The following DAB1 variants were observed in gnomAD, a reference collection of about 807,000 sequenced individuals.
The protein encoded by DAB1 is disabled homolog 1.
Under a neutral mutation model 64.6 loss-of-function variants are expected in DAB1, and 15 were observed. The ratio of observed to expected loss-of-function variants is 0.23; its 90% CI spans 0.16 to 0.36. The LOEUF is 0.36. Among genes scored for constraint, DAB1 ranks in the 10% least tolerant of loss-of-function variants. The pLI is 1.00. For missense variants in DAB1, 596 were observed against 706.7 expected (o/e 0.84, Z 1.78); for synonymous variants, 235 against 251.9 (o/e 0.93, Z 0.64).
intron 6 of DAB1, among the ~76,000 whole-genome samples, chr1:57,730,552 T>C (rs909864578): frequency 6.6e-6 from 1 of 152,220 alleles, no homozygotes; most frequent in African/African-American, 2.4e-5. Flanking sequence ...TTTGGAAGGA[T>C]ACGTAGTCAT....
upstream of DAB1, among the ~76,000 whole-genome samples, chr1:57,884,851 G>C (rs529943137): frequency 2.1e-3 from 313 of 152,224 alleles, 1 homozygote; most frequent in Non-Finnish European, 3.8e-3. Flanking sequence ...GTTCCTATGA[G>C]AGCTGGTTGT....
At chr1:58,085,408 C>T (rs1650241408) in intron 5 of DAB1, among the ~76,000 whole-genome samples, 1 of 152,150 alleles carries the variant, frequency 6.6e-6, no homozygotes, top group African/African-American at 2.4e-5. Context: ...TCCTCTGTCA[C>T]TCAGGCTGGA....
In DAB1 at chr1:57,590,212, C is replaced by T. The variant is rs115937827; in HGVS notation, n.625+59380G>A. Reference sequence around the variant, plus strand: ...GTGGTCTTTCTTCTATGCACACCCACGCCTGGTGTCTGTTCCATTTCTTAT... The same window carrying T: ...GTGGTCTTTCTTCTATGCACACCCATGCCTGGTGTCTGTTCCATTTCTTAT... On this transcript the variant is annotated intron_variant and non_coding_transcript_variant, in intron 7 of 20. Coordinates refer to the DAB1 transcript ENST00000485760. Among the ~76,000 whole-genome samples the T allele has an allele frequency of 9.8e-3, 1,494 of 152,186 alleles. 16 individuals are homozygous for T. The highest frequency in any genetic ancestry group is 0.015 in the Non-Finnish European group (998 of 68,002).
intron 5 of DAB1, among the ~76,000 whole-genome samples, chr1:58,014,978 C>T (rs1205742123): frequency 2.0e-5 from 3 of 152,156 alleles, no homozygotes; most frequent in Non-Finnish European, 4.4e-5. Flanking sequence ...TAAGCTCAGC[C>T]CTCCCAAACC....
At chr1:58,515,317 A>G (rs1387804007) in intron 2 of DAB1, among the ~76,000 whole-genome samples, 1 of 152,212 alleles carries the variant, frequency 6.6e-6, no homozygotes, top group African/African-American at 2.4e-5. Flanking sequence ...ATGTGCTCCA[A>G]CATAAAAATG....
At chr1:57,837,579 G>T (rs937887850) in intron 1 of DAB1, among the ~76,000 whole-genome samples, 13 of 151,832 alleles carry the variant, frequency 8.6e-5, no homozygotes, top group Non-Finnish European at 1.5e-5. Flanking sequence ...ACTCTCTTCT[G>T]CCCTCCCCTC....
rs1004486784 is a variant in DAB1 at position 58,473,020 on chromosome 1, G to C, written n.257+33040C>G. On this transcript the variant is annotated intron_variant and non_coding_transcript_variant, in intron 3 of 20. Transcript: ENST00000485760. ...AGGTGTTATAGAAGATTTGTTAAGA[G>C]AGGAAGTGGTCCCAGGAAAACAAAG... is the stretch of plus-strand genomic sequence containing the variant. Among the ~76,000 whole-genome samples, 9 of 152,302 alleles carry C rather than the reference G, an allele frequency of 5.9e-5. No individual in the cohort carries two copies. In the East Asian group the frequency reaches 1.5e-3, roughly 26 times the overall value.
intron 3 of DAB1, among the ~76,000 whole-genome samples, chr1:58,397,948 A>G (rs1644536725): frequency 6.6e-6 from 1 of 152,196 alleles, no homozygotes. Context: ...CAGACCCTCA[A>G]CCAGTAGTCA....
intron 7 of DAB1, among the ~76,000 whole-genome samples, chr1:57,452,005 A>G (rs970246927): frequency 2.6e-5 from 4 of 152,018 alleles, no homozygotes; most frequent in Non-Finnish European, 4.4e-5. Flanking sequence ...TGACCCTCAT[A>G]GCCACCTCAG....
At chr1:57,429,948 TA>T (rs893711201) in intron 7 of DAB1, among the ~76,000 whole-genome samples, 35 of 151,506 alleles carry the variant, frequency 2.3e-4, no homozygotes, top group African/African-American at 8.0e-4. Context: ...AATTATCTTA[TA>T]AGACTGCTTT....
intron 4 of DAB1, among the ~76,000 whole-genome samples, chr1:57,097,739 CTTTA>C (rs1654295903): frequency 6.7e-6 from 1 of 148,542 alleles, no homozygotes; most frequent in Non-Finnish European, 1.5e-5. Flanking sequence ...CCAGTTGGAA[CTTTA>C]TTTCTTTTTT....
chr1:57,193,394 T>TTTTTTTTA, intron 2 of DAB1, among the ~76,000 whole-genome samples: 1 of 136,988 alleles, frequency 7.3e-6, no homozygotes, highest in Non-Finnish European at 1.6e-5. Context: ...TTTTTTTTTT[T>TTTTTTTTA]TTTTTTTTTT....
At chr1:57,484,265 A>G (rs552008470) in intron 7 of DAB1, among the ~76,000 whole-genome samples, 1 of 152,222 alleles carries the variant, frequency 6.6e-6, no homozygotes, top group South Asian at 2.1e-4. Flanking sequence ...CCCTGGATTG[A>G]TTTAAATGTA....
chr1:58,402,613 T>A (rs541257421), intron 3 of DAB1, among the ~76,000 whole-genome samples: 1 of 149,516 alleles, frequency 6.7e-6, no homozygotes, highest in South Asian at 2.1e-4. Flanking sequence ...AGTTGTTCAA[T>A]GAATAATTGA....
intron 7 of DAB1, among the ~76,000 whole-genome samples, chr1:57,570,429 C>G (rs1375210352): frequency 6.6e-6 from 1 of 151,286 alleles, no homozygotes; most frequent in Non-Finnish European, 1.5e-5. Flanking sequence ...TAGTTCTGTC[C>G]CTTATGTTTA....
chr1:57,494,672 G>A (rs1233900257), intron 7 of DAB1, among the ~76,000 whole-genome samples: 1 of 152,124 alleles, frequency 6.6e-6, no homozygotes, highest in Non-Finnish European at 1.5e-5. Flanking sequence ...CATCCAGTTT[G>A]AGTTGGAGAC....
intron 7 of DAB1, among the ~76,000 whole-genome samples, chr1:57,495,497 G>A (rs1644219873): frequency 6.6e-6 from 1 of 152,200 alleles, no homozygotes; most frequent in East Asian, 1.9e-4. Flanking sequence ...TGTAGGAACA[G>A]CAATGTGCAC....
chr1:57,184,708 C>A (rs1217633336), intron 2 of DAB1, among the ~76,000 whole-genome samples: 4 of 152,178 alleles, frequency 2.6e-5, no homozygotes, highest in African/African-American at 4.8e-5. Flanking sequence ...ACTCCACAAA[C>A]CCTGTGCTCC....
chr1:58,415,116 T>C (rs1644707169), intron 3 of DAB1, among the ~76,000 whole-genome samples: 1 of 152,066 alleles, frequency 6.6e-6, no homozygotes, highest in Non-Finnish European at 1.5e-5. Context: ...CATAATAGGA[T>C]TAGTGGCCTT....
Sources: gnomAD v4.1 joint callset for allele counts (sites outside exome capture counted in the v4.1 genomes callset) on GRCh38, gnomAD v4.1.1 for gene constraint, MANE v1.5 for transcripts, NCBI Gene and HGNC (gene_info 2026-07-23, HGNC 2026-07-21) for gene names.